DNAJC15: variants seen among roughly 807,000 people sequenced by gnomAD.
DNAJC15 encodes dnaJ homolog subfamily C member 15.
Under a neutral mutation model 22.4 loss-of-function variants are expected in DNAJC15, and 27 were observed. That is an observed-to-expected ratio of 1.20 (90% CI 0.89 to 1.66). The LOEUF is 1.66. DNAJC15 is among the 40% of genes most tolerant of loss of function. DNAJC15 has a pLI of 0.00. For missense variants in DNAJC15, 208 were observed against 187.1 expected, an observed-to-expected ratio of 1.11 and a Z score of -0.65; for synonymous variants, 79 against 63.2, an observed-to-expected ratio of 1.25 and a Z score of -1.19.
rs774013692 is a variant in DNAJC15, at chr13:43,023,713, C to T, written c.87C>T (p.Ala29=). The T allele has an allele frequency of 1.9e-6, 3 of 1,611,092 alleles. No homozygotes were observed. Among genetic ancestry groups the T allele is most frequent in the Non-Finnish European group, 2.5e-6 (3 of 1,178,946 alleles). Reference sequence around the variant, plus strand: ...AGCCCTCGGCCAAACGGCCAGACGCCGACGTCGACCAGCAGAGACTGGTGA... The same window carrying T: ...AGCCCTCGGCCAAACGGCCAGACGCTGACGTCGACCAGCAGAGACTGGTGA... The part of the protein sequence containing the change: ...YLQPSAKRPD[A]DVDQQRLVRS... Residue 29 remains alanine, a synonymous_variant, in exon 1 of 6, where the codon GCC becomes GCT. Transcript: ENST00000379221.
rs202011973 is a variant in DNAJC15 at position 43,078,674 on chromosome 13, T to C, written c.297T>C (p.Leu99=). ...AAATGAGTAGGCGAGAAGCTGGTCT[T>C]ATTTTAGGTGTAAGGTAGGTGTGCA... is the stretch of plus-strand genomic sequence containing the variant. ...EQKMSRREAG[L]ILGVSPSAGK... Residue 99 remains leucine, a synonymous_variant, in exon 4 of 6, where the codon CTT becomes CTC. Coordinates refer to ENST00000379221, the MANE Select transcript of DNAJC15 (RefSeq NM_013238.3). 8.7e-6 allele frequency: 14 copies of C among 1,613,478 alleles called. No individual in the cohort carries two copies. The highest frequency in any genetic ancestry group is 1.1e-5 in the Non-Finnish European group (13 of 1,179,664).
At chr13:43,029,285 T>C (rs1593307365) in intron 1 of DNAJC15, among the ~76,000 whole-genome samples, 1 of 152,240 alleles carries the variant, frequency 6.6e-6, no homozygotes, top group Non-Finnish European at 1.5e-5. Context: ...GAGTGAATAG[T>C]CTACGTCTTT....
intron 1 of DNAJC15, among the ~76,000 whole-genome samples, chr13:43,062,106 G>T (rs977764561): frequency 2.6e-5 from 4 of 151,972 alleles, no homozygotes; most frequent in Non-Finnish European, 5.9e-5. Flanking sequence ...TGTTTTCAGA[G>T]GTGTGACCAT....
intron 3 of DNAJC15, among the ~76,000 whole-genome samples, chr13:43,076,912 A>C (rs146112612): frequency 3.0e-4 from 46 of 151,886 alleles, no homozygotes; most frequent in Non-Finnish European, 5.7e-4. Context: ...TCATTTCCTC[A>C]CTCTTGACTT....
intron 1 of DNAJC15, among the ~76,000 whole-genome samples, chr13:43,059,902 A>G (rs1357627712): frequency 6.6e-6 from 1 of 152,250 alleles, no homozygotes; most frequent in Non-Finnish European, 1.5e-5. Context: ...GAGAATCACA[A>G]AGAACCTTGT....
At chr13:43,074,194 G>A (rs1394263622) in intron 3 of DNAJC15, among the ~76,000 whole-genome samples, 2 of 152,058 alleles carry the variant, frequency 1.3e-5, no homozygotes, top group Non-Finnish European at 1.5e-5. Flanking sequence ...TTCTTCTCTA[G>A]TTGTCTGGAG....
chr13:43,101,018 C>T (rs1014061422), intron 5 of DNAJC15, among the ~76,000 whole-genome samples: 1 of 152,160 alleles, frequency 6.6e-6, no homozygotes, highest in African/African-American at 2.4e-5. Context: ...CTTTTTGTCT[C>T]TAATAACATT....
intron 1 of DNAJC15, among the ~76,000 whole-genome samples, chr13:43,039,778 G>T (rs994620464): frequency 1.3e-5 from 2 of 152,208 alleles, no homozygotes; most frequent in African/African-American, 2.4e-5. Flanking sequence ...CACTTTGGGA[G>T]GCTGAGGCAG....
rs1413487975 is a variant in DNAJC15, at chr13:43,085,838, G to C, written c.382G>C (p.Gly128Arg). Residue 128 changes from glycine (G) to arginine (R), a missense_variant and splice_region_variant, in exon 5 of 6, where the codon GGT becomes CGT. Coordinates refer to ENST00000379221, the MANE Select transcript of DNAJC15 (RefSeq NM_013238.3). ...CATGATTTTGAATCACCCAGATAAA[G>C]GTAGGTAGAATTCCTATTTTTCATA... ...RVMILNHPDK[G>R]GSPYVAAKIN... The C allele has an allele frequency of 1.9e-6, 3 of 1,612,214 alleles. No individual in the cohort carries two copies. The Admixed American group carries it at 5.0e-5, about 27-fold the overall frequency.
intron 1 of DNAJC15, among the ~76,000 whole-genome samples, chr13:43,055,443 T>C (rs1054469396): frequency 5.9e-5 from 9 of 152,122 alleles, no homozygotes; most frequent in African/African-American, 2.2e-4. Flanking sequence ...GGGAGAGCTG[T>C]TCTTTCTTTT....
Position 43,111,794 on chromosome 13 carries a change from G to A in DNAJC15, c.*4546G>A, listed in dbSNP as rs1250691345. On this transcript the variant is annotated 3_prime_UTR_variant, in exon 6 of 6. Transcript: ENST00000379221. ...GAGGATTTGATGGGAATGAGTAAAT[G>A]TGTCAGCATAGTCCGTCCCTTCTAA... The A allele has an allele frequency of 2.0e-5, 3 of 152,218 alleles. No homozygotes were observed. Among genetic ancestry groups the A allele is most frequent in the Non-Finnish European group, 2.9e-5 (2 of 68,056 alleles). The allele number at this position is 152,218 out of a possible 1,614,324, so 9.4% of individuals were successfully genotyped here.
At chr13:43,041,447 C>T (rs2040453382) in intron 1 of DNAJC15, among the ~76,000 whole-genome samples, 1 of 152,192 alleles carries the variant, frequency 6.6e-6, no homozygotes, top group Non-Finnish European at 1.5e-5. Context: ...AATGGAGTCT[C>T]TTGTGTCTAC....
At chr13:43,057,186 C>A (rs2040535912) in intron 1 of DNAJC15, among the ~76,000 whole-genome samples, 1 of 152,180 alleles carries the variant, frequency 6.6e-6, no homozygotes, top group Admixed American at 6.5e-5. Context: ...CTCAACTAGT[C>A]TCTCAAATAC....
chr13:43,071,017 T>A (rs1301664138), intron 3 of DNAJC15, among the ~76,000 whole-genome samples: 1 of 152,330 alleles, frequency 6.6e-6, no homozygotes, highest in African/African-American at 2.4e-5. Flanking sequence ...TATTTCCATA[T>A]GTTTATAAAT....
In DNAJC15 at chr13:43,023,725, G is replaced by T; in HGVS notation, c.99G>T (p.Gln33His). ...SAKRPDADVD[Q>H]QRLVRSLIAV... is the part of the protein sequence containing the mutation. ...AACGGCCAGACGCCGACGTCGACCA[G>T]CAGAGACTGGTGAGTCCTGCCAGCG... Residue 33 changes from glutamine (Q) to histidine (H), a missense_variant, in exon 1 of 6, where the codon CAG becomes CAT. Physicochemically the swap from Gln to His is conservative, Grantham distance 24. Transcript: ENST00000379221. The T allele has an allele frequency of 3.1e-6, 5 of 1,609,398 alleles. No individual in the cohort carries two copies. The highest frequency in any genetic ancestry group is 4.2e-6 in the Non-Finnish European group (5 of 1,178,284).
At chr13:43,056,383 C>T (rs1334946265) in intron 1 of DNAJC15, among the ~76,000 whole-genome samples, 1 of 152,170 alleles carries the variant, frequency 6.6e-6, no homozygotes, top group Non-Finnish European at 1.5e-5. Flanking sequence ...GGTGATCCAC[C>T]TGCCTCAGCT....
At chr13:43,074,744 A>G (rs914659986) in intron 3 of DNAJC15, among the ~76,000 whole-genome samples, 6 of 152,226 alleles carry the variant, frequency 3.9e-5, no homozygotes, top group Non-Finnish European at 8.8e-5. Context: ...AAAGTTATAT[A>G]AGACCTAAAT....
chr13:43,049,141 A>T lies in DNAJC15; in HGVS notation c.109-16545A>T, dbSNP rs9567103. Among the ~76,000 whole-genome samples the T allele has an allele frequency of 5.3e-5, 8 of 152,300 alleles. No individual in the cohort carries two copies. In the East Asian group the frequency reaches 1.5e-3, roughly 29 times the overall value. On this transcript the variant is annotated intron_variant, in intron 1 of 5. Coordinates refer to ENST00000379221, the MANE Select transcript of DNAJC15 (RefSeq NM_013238.3). ...TATCCCAATTTTTCCTAAGTCAAAGAAACAGCAACATTTCTGTTTCTGCAG... is the reference window on the plus strand; with the variant it reads ...TATCCCAATTTTTCCTAAGTCAAAGTAACAGCAACATTTCTGTTTCTGCAG...
At chr13:43,065,608 A>T in intron 1 of DNAJC15, 78 bp from the exon 2 acceptor site, 1 of 1,169,742 alleles carries the variant, frequency 8.5e-7, no homozygotes, top group Non-Finnish European at 1.3e-6. Context: ...TAATGTAATT[A>T]TTCTCATTAT....
Sources: gnomAD v4.1 joint callset for allele counts (sites outside exome capture counted in the v4.1 genomes callset) on GRCh38, gnomAD v4.1.1 for gene constraint, MANE v1.5 for transcripts, NCBI Gene and HGNC (gene_info 2026-07-23, HGNC 2026-07-21) for gene names.